Variants in CLEC17A observed in about 807,000 individuals in gnomAD.
CLEC17A encodes the protein C-type lectin domain containing 17A, also known as C-type lectin domain family 17, member A.
A neutral mutation model predicts 61.3 loss-of-function variants in CLEC17A; 37 were observed. That is an observed-to-expected ratio of 0.60 (90% CI 0.46 to 0.79). The LOEUF is 0.79. Among genes scored for constraint, CLEC17A ranks in the 30% least tolerant of loss-of-function variants. CLEC17A has a pLI of 0.00. For missense variants in CLEC17A, 418 were observed against 464.7 expected (o/e 0.90, Z 0.92); for synonymous variants, 168 against 164.9 (o/e 1.02, Z -0.14).
chr19:14,600,244 G>A (rs2074670437), intron 12 of CLEC17A, 62 bp downstream of exon 12: 1 of 1,579,130 alleles, frequency 6.3e-7, no homozygotes, highest in African/African-American at 1.3e-5. Flanking sequence ...CTTCCAGGAT[G>A]CACACATCCC....
intron 12 of CLEC17A, among the ~76,000 whole-genome samples, chr19:14,604,229 A>G (rs2146737802): frequency 6.6e-6 from 1 of 152,268 alleles, no homozygotes; most frequent in East Asian, 1.9e-4. Flanking sequence ...TCTGCTTTTT[A>G]GAGTCTCCAA....
rs369929625 is a variant in CLEC17A at position 14,594,564 on chromosome 19, G to T, written c.310+15G>T. ...TCCAAGGGCAGGTGAGTTGGGGCTG[G>T]GGGTGTAGGAGACCCAGAGCTGGCT... On this transcript the variant is annotated intron_variant, in intron 5 of 13. Transcript: ENST00000417570. 3.1e-6 allele frequency: 5 copies of T among 1,611,784 alleles called. No individual in the cohort carries two copies. The highest frequency in any genetic ancestry group is 4.2e-6 in the Non-Finnish European group (5 of 1,179,194).
At chr19:14,605,529 G>A (rs1042330948) in intron 12 of CLEC17A, among the ~76,000 whole-genome samples, 7 of 152,154 alleles carry the variant, frequency 4.6e-5, no homozygotes, top group Admixed American at 4.6e-4. Context: ...CTGTGTAACT[G>A]TCAAACTAAC....
At chr19:14,581,479 A>G (rs1599521070), upstream of CLEC17A, among the ~76,000 whole-genome samples, 1 of 149,304 alleles carries the variant, frequency 6.7e-6, no homozygotes, top group South Asian at 2.1e-4. Flanking sequence ...GCCCGCTATC[A>G]TGTCCAGCTA....
intron 12 of CLEC17A, among the ~76,000 whole-genome samples, chr19:14,605,601 C>T (rs73504168): frequency 0.16 from 24,417 of 152,022 alleles, 2,264 homozygotes; most frequent in African/African-American, 0.26. Context: ...CTAGTTAATC[C>T]CTCCCTGCCC....
chr19:14,604,860 C>T (rs1404726628), intron 12 of CLEC17A, among the ~76,000 whole-genome samples: 1 of 152,026 alleles, frequency 6.6e-6, no homozygotes, highest in African/African-American at 2.4e-5. Flanking sequence ...TTGGCATTGC[C>T]TATAGTAGAA....
chr19:14,611,482 A>C lies in CLEC17A; in HGVS notation c.*1286A>C, dbSNP rs2075038587. Among the ~76,000 whole-genome samples, 3 of 144,754 alleles carry C rather than the reference A, an allele frequency of 2.1e-5. No homozygotes were observed. The Admixed American group carries it at 2.2e-4, about 11-fold the overall frequency. The allele number at this position is 144,754 out of a possible 152,430, so 95.0% of individuals were successfully genotyped here. A position where few individuals can be genotyped will look rare whatever the true frequency, so the allele number is the denominator to read the frequency against. On this transcript the variant is annotated 3_prime_UTR_variant, in exon 14 of 14. Transcript: ENST00000417570. The stretch of plus-strand genomic sequence containing the variant: ...ACCCTCTGCCTCCTGGGCTCGAGTG[A>C]TCCTCCTGCCTCAGCCTCCCAAGTA...
At chr19:14,608,071 T>C (rs1218881026) in intron 13 of CLEC17A, among the ~76,000 whole-genome samples, 1 of 151,798 alleles carries the variant, frequency 6.6e-6, no homozygotes, top group African/African-American at 2.4e-5. Context: ...GGGGTTTTAG[T>C]GTGTTGCCCA....
At chr19:14,589,020 G>A (rs1166656606) in intron 3 of CLEC17A, among the ~76,000 whole-genome samples, 1 of 150,784 alleles carries the variant, frequency 6.6e-6, no homozygotes, top group Non-Finnish European at 1.5e-5. Context: ...CCTTCTTCAG[G>A]GCCACGTCTG....
chr19:14,598,573 A>C (rs1198744835), intron 10 of CLEC17A, among the ~76,000 whole-genome samples: 5 of 151,986 alleles, frequency 3.3e-5, no homozygotes, highest in Non-Finnish European at 7.4e-5. Context: ...TCCCAGGTTC[A>C]AGTGATTGTC....
chr19:14,585,082 C>T (rs1410309384), intron 2 of CLEC17A, among the ~76,000 whole-genome samples: 1 of 152,208 alleles, frequency 6.6e-6, no homozygotes, highest in African/African-American at 2.4e-5. Flanking sequence ...TCCATCCCTT[C>T]TCCTTTCAAT....
intron 3 of CLEC17A, among the ~76,000 whole-genome samples, chr19:14,590,277 C>T (rs1353355210): frequency 6.6e-6 from 1 of 151,928 alleles, no homozygotes; most frequent in African/African-American, 2.4e-5. Context: ...TTCCTGATGA[C>T]CTCGCTACAT....
At chr19:14,587,233 A>ATGTGTGTGTGTGTGTG (rs3049160) in intron 2 of CLEC17A, among the ~76,000 whole-genome samples, 5 of 145,404 alleles carry the variant, frequency 3.4e-5, no homozygotes, top group South Asian at 4.4e-4. Context: ...CCAGAGAAAG[A>ATGTGTGTGTGTGTGTG]TGTGTGTGTG....
At chr19:14,588,049 A>T (rs948240307) in intron 3 of CLEC17A, among the ~76,000 whole-genome samples, 1 of 152,024 alleles carries the variant, frequency 6.6e-6, no homozygotes, top group Non-Finnish European at 1.5e-5. Flanking sequence ...TGAGTTACAA[A>T]AGCTGGTGCT....
At chr19:14,582,199 G>T (rs1265910987), upstream of CLEC17A, among the ~76,000 whole-genome samples, 1 of 151,448 alleles carries the variant, frequency 6.6e-6, no homozygotes, top group Non-Finnish European at 1.5e-5. Context: ...CCTTCTACGA[G>T]GACCCTTGTA....
chr19:14,591,974 G>A (rs2074430696), intron 3 of CLEC17A, among the ~76,000 whole-genome samples: 1 of 151,136 alleles, frequency 6.6e-6, no homozygotes, highest in Admixed American at 6.6e-5. Context: ...AGATGGATTT[G>A]CCTGTACTTG....
At chr19:14,582,446 T>C (rs1427675919), upstream of CLEC17A, among the ~76,000 whole-genome samples, 1 of 151,650 alleles carries the variant, frequency 6.6e-6, no homozygotes, top group Non-Finnish European at 1.5e-5. Context: ...TCTCCTGACC[T>C]CGTGATCTGC....
chr19:14,589,434 TA>T (rs931260321), intron 3 of CLEC17A, among the ~76,000 whole-genome samples: 7 of 141,770 alleles, frequency 4.9e-5, no homozygotes, highest in Non-Finnish European at 6.0e-5. Flanking sequence ...CCAGAGAATT[TA>T]AAAAAAATAT....
At chr19:14,595,945 G>T (rs1481583292) in intron 8 of CLEC17A, among the ~76,000 whole-genome samples, 5 of 105,944 alleles carry the variant, frequency 4.7e-5, no homozygotes, top group Admixed American at 1.0e-4. Flanking sequence ...TGATAGTAGA[G>T]GCAGTGATGG....
Sources: gnomAD v4.1 joint callset for allele counts (sites outside exome capture counted in the v4.1 genomes callset) on GRCh38, gnomAD v4.1.1 for gene constraint, MANE v1.5 for transcripts, NCBI Gene and HGNC (gene_info 2026-07-23, HGNC 2026-07-21) for gene names.